DLEC1: variants seen among roughly 807,000 people sequenced by gnomAD.
The protein encoded by DLEC1 is DLEC1 cilia and flagella associated protein.
Under a neutral mutation model 198.1 loss-of-function variants are expected in DLEC1, and 146 were observed. That is an observed-to-expected ratio of 0.74 (90% CI 0.64 to 0.85). The LOEUF is 0.85. Among genes scored for constraint, DLEC1 ranks in the 40% least tolerant of loss-of-function variants. The pLI is 0.00. For synonymous variants in DLEC1, 897 were observed against 866.8 expected (o/e 1.03, Z -0.61); for missense variants, 2,233 against 2,220.0 (o/e 1.01, Z -0.12).
At chr3:38,043,636 C>CT (rs1341769515) in intron 1 of DLEC1, among the ~76,000 whole-genome samples, 2 of 152,180 alleles carry the variant, frequency 1.3e-5, no homozygotes, top group Middle Eastern at 3.2e-3. Flanking sequence ...ACTGTAAACT[C>CT]TTTAAGAGCA....
chr3:38,118,467 C>T lies in DLEC1; in HGVS notation c.4704+443C>T, dbSNP rs148288215. Among the ~76,000 whole-genome samples, 6 of 152,300 alleles carry T rather than the reference C, an allele frequency of 3.9e-5. No individual in the cohort carries two copies. The East Asian group carries it at 7.7e-4, about 20-fold the overall frequency. Reference sequence around the variant, plus strand: ...AATTGTAAGACACTCCAGGTTCTAACGTAAAATTTCCTCTTCTGACTTATT... The same window carrying T: ...AATTGTAAGACACTCCAGGTTCTAATGTAAAATTTCCTCTTCTGACTTATT... On this transcript the variant is annotated intron_variant, in intron 33 of 36. Coordinates refer to ENST00000308059, the MANE Select transcript of DLEC1 (RefSeq NM_007335.4).
chr3:38,099,468 T>C (rs191651189), intron 18 of DLEC1, among the ~76,000 whole-genome samples: 1 of 152,332 alleles, frequency 6.6e-6, no homozygotes, highest in African/African-American at 2.4e-5. Flanking sequence ...TCTATTCTTT[T>C]GAGCTCTCAA....
chr3:38,078,645 C>T (rs969702444), intron 6 of DLEC1, among the ~76,000 whole-genome samples: 5 of 152,066 alleles, frequency 3.3e-5, no homozygotes, highest in South Asian at 2.1e-4. Context: ...TGAAGTCTTG[C>T]GGCAGTACAG....
rs1056454076 is a variant in DLEC1, at chr3:38,095,782, G to A, written c.2113-106G>A. 13 of 1,449,062 alleles carry A rather than the reference G, an allele frequency of 9.0e-6. No individual in the cohort carries two copies. In the African/African-American group the frequency reaches 1.8e-4, roughly 20 times the overall value. The allele number at this position is 1,449,062 out of a possible 1,614,324, so 89.8% of individuals were successfully genotyped here. A position where few individuals can be genotyped will look rare whatever the true frequency, so the allele number is the denominator to read the frequency against. Reference sequence around the variant, plus strand: ...CCCTGGGTTTTCAGAAGGTCCTTCTGATGGCTAGGCTAAGGGGAGGAAGAA... The same window carrying A: ...CCCTGGGTTTTCAGAAGGTCCTTCTAATGGCTAGGCTAAGGGGAGGAAGAA... On this transcript the variant is annotated intron_variant, in intron 13 of 36. Transcript: ENST00000308059.
chr3:38,065,904 G>T (rs1164733712), intron 6 of DLEC1, among the ~76,000 whole-genome samples: 1 of 152,094 alleles, frequency 6.6e-6, no homozygotes, highest in African/African-American at 2.4e-5. Flanking sequence ...CCATTTATTT[G>T]TTGAAGAAAC....
At chr3:38,106,834 TACTTAA>T (rs2125715377) in intron 19 of DLEC1, among the ~76,000 whole-genome samples, 2 of 152,022 alleles carry the variant, frequency 1.3e-5, no homozygotes, top group East Asian at 3.9e-4. Flanking sequence ...TAATCTCCTT[TACTTAA>T]ACTTAACTGA....
chr3:38,089,737 G>A lies in DLEC1; in HGVS notation c.1665+1349G>A, dbSNP rs1195151703. 2.6e-5 allele frequency among the ~76,000 whole-genome samples: 4 copies of A among 152,228 alleles called. No homozygotes were observed. In the South Asian group the frequency reaches 8.3e-4, roughly 31 times the overall value. On this transcript the variant is annotated intron_variant, in intron 10 of 36. Transcript: ENST00000308059. ...CTCCAAGTAAAGGAAGAGGGTAGCA[G>A]CAGGACTCTTAGGGGAGCAGTGAGG...
chr3:38,121,609 G>T lies in DLEC1; in HGVS notation c.4867-19G>T. 6.2e-7 allele frequency: 1 copy of T among 1,610,196 alleles called. No homozygotes were observed. The highest frequency in any genetic ancestry group is 8.5e-7 in the Non-Finnish European group (1 of 1,178,722). On this transcript the variant is annotated intron_variant, in intron 34 of 36. Coordinates refer to ENST00000308059, the MANE Select transcript of DLEC1 (RefSeq NM_007335.4). ...TCAGAGCCCACCCAGAATGGACAAG[G>T]TTGCCTGGTCTCCCACAGGTGGTGC...
chr3:38,108,261 T>C (rs541045608), intron 20 of DLEC1, 144 bp from the exon 21 acceptor site: 1 of 658,688 alleles, frequency 1.5e-6, no homozygotes, highest in Non-Finnish European at 2.7e-6. Flanking sequence ...TCCCCAGAAG[T>C]GAGCACCCAG....
chr3:38,119,126 G>C (rs1395936196), intron 33 of DLEC1, among the ~76,000 whole-genome samples: 1 of 152,214 alleles, frequency 6.6e-6, no homozygotes, highest in Non-Finnish European at 1.5e-5. Flanking sequence ...GTCCTTGGCA[G>C]CTCTGGGGAA....
In DLEC1 at chr3:38,100,382, C is replaced by T. The variant is rs199712267; in HGVS notation, c.2821C>T (p.Leu941=). The change falls in exon 19 of 37, where the codon CTG becomes TTG. Residue 941 remains leucine, a synonymous_variant. Transcript: ENST00000308059. The part of the protein sequence containing the change: ...ITLEALHCQH[L]ETVLELEVEN... ...CTTGGAGGCCCTGCACTGCCAGCAT[C>T]TGGAGACCGTCCTGGAGCTGGAGGT... The T allele has an allele frequency of 1.8e-4, 289 of 1,613,950 alleles. No homozygotes were observed. The East Asian group carries it at 5.2e-3, about 29-fold the overall frequency.
Position 38,122,931 on chromosome 3 carries a change from C to A in DLEC1, c.*519C>A. 1 of 1,068,012 alleles carries A rather than the reference C, an allele frequency of 9.4e-7. No individual in the cohort carries two copies. Among genetic ancestry groups the A allele is most frequent in the Non-Finnish European group, 1.4e-6 (1 of 709,366 alleles). The allele number at this position is 1,068,012 out of a possible 1,614,324, so 66.2% of individuals were successfully genotyped here. Reference sequence around the variant, plus strand: ...ATGAGTTGAAGTGCCTTGATCTGTCCACTGCCACCACCACCAGTGCTGAGT... The same window carrying A: ...ATGAGTTGAAGTGCCTTGATCTGTCAACTGCCACCACCACCAGTGCTGAGT... On this transcript the variant is annotated 3_prime_UTR_variant, in exon 37 of 37. Coordinates refer to ENST00000308059, the MANE Select transcript of DLEC1 (RefSeq NM_007335.4).
intron 12 of DLEC1, among the ~76,000 whole-genome samples, 184 bp from the exon 13 acceptor site, chr3:38,094,695 C>T (rs1698916347): frequency 1.3e-5 from 2 of 152,164 alleles, no homozygotes; most frequent in South Asian, 2.1e-4. Context: ...TAGACTCCCT[C>T]GCCCACTTGC....
intron 2 of DLEC1, among the ~76,000 whole-genome samples, chr3:38,058,298 C>G (rs1696486931): frequency 6.6e-6 from 1 of 152,166 alleles, no homozygotes; most frequent in South Asian, 2.1e-4. Context: ...TTTTTCAGTG[C>G]TCTCTCTGCC....
At chr3:38,119,792 C>T (rs2125751145) in intron 33 of DLEC1, among the ~76,000 whole-genome samples, 1 of 152,244 alleles carries the variant, frequency 6.6e-6, no homozygotes, top group South Asian at 2.1e-4. Flanking sequence ...ACTCAGCCTC[C>T]CAAAGTGCTG....
chr3:38,095,411 GAGGGCC>G, intron 13 of DLEC1: 1 of 342,854 alleles, frequency 2.9e-6, no homozygotes, highest in Non-Finnish European at 5.5e-6. Context: ...GCAGGGACCC[GAGGGCC>G]AGGTTAGCAC....
At chr3:38,067,786 T>C (rs1697105382) in intron 6 of DLEC1, among the ~76,000 whole-genome samples, 1 of 148,624 alleles carries the variant, frequency 6.7e-6, no homozygotes. Flanking sequence ...GGAATCTTGC[T>C]CTATTACCCA....
intron 30 of DLEC1, 29 bp downstream of exon 30, chr3:38,117,129 C>G: frequency 6.2e-7 from 1 of 1,613,872 alleles, no homozygotes; most frequent in Non-Finnish European, 8.5e-7. Flanking sequence ...GGGTGGGGGC[C>G]GCAGCCACTG....
intron 22 of DLEC1, chr3:38,109,866 GCCATGCCAGCATGCCGCTGGC>G: frequency 1.5e-6 from 1 of 677,640 alleles, no homozygotes; most frequent in Non-Finnish European, 2.4e-6. Context: ...GCAACTGGGA[GCCATGCCAGCATGCCGCTGGC>G]CAGGGACGGT....
Sources: gnomAD v4.1 joint callset for allele counts (sites outside exome capture counted in the v4.1 genomes callset) on GRCh38, gnomAD v4.1.1 for gene constraint, MANE v1.5 for transcripts, NCBI Gene and HGNC (gene_info 2026-07-23, HGNC 2026-07-21) for gene names.